The following ZNF436 variants were observed in gnomAD, a reference collection of about 807,000 sequenced individuals.
The protein encoded by ZNF436 is zinc finger protein 436, also known as DNA-binding protein.
Under a neutral mutation model 41.9 loss-of-function variants are expected in ZNF436, and 22 were observed. The observed-to-expected ratio is 0.53, with a 90% CI of 0.38 to 0.75. The LOEUF is 0.75. Ranked by LOEUF, ZNF436 falls within the 30% of genes least tolerant of loss-of-function variation. The pLI, the probability that ZNF436 is intolerant of heterozygous loss-of-function variation, is 0.00. For missense variants in ZNF436, 506 were observed against 587.3 expected, an observed-to-expected ratio of 0.86 and a Z score of 1.43; for synonymous variants, 217 against 197.8, an observed-to-expected ratio of 1.10 and a Z score of -0.82.
At position 23,361,915 on chromosome 1, in the gene ZNF436, T is replaced by G; in HGVS notation, c.*54A>C. 1 of 1,515,540 alleles carries G rather than the reference T, an allele frequency of 6.6e-7. No individual in the cohort carries two copies. Among genetic ancestry groups the G allele is most frequent in the African/African-American group, 1.4e-5 (1 of 71,964 alleles). 93.9% of individuals were successfully genotyped at this position (1,515,540 alleles called of 1,614,324 possible). A position where few individuals can be genotyped will look rare whatever the true frequency, so the allele number is the denominator to read the frequency against. ...TCAGTCTTGAGGGCGTTCATTGATATCAAATAAAATTGTATCTTCAAATGA... is the reference window on the plus strand; with the variant it reads ...TCAGTCTTGAGGGCGTTCATTGATAGCAAATAAAATTGTATCTTCAAATGA... On this transcript the variant is annotated 3_prime_UTR_variant, in exon 4 of 4. Transcript: ENST00000314011.
rs1286457429 is a variant in ZNF436 at position 23,367,952 on chromosome 1, G to C, written c.33+21C>G. The C allele has an allele frequency of 2.5e-6, 4 of 1,613,840 alleles. No homozygotes were observed. The African/African-American group carries it at 4.0e-5, about 16-fold the overall frequency. ...AGGTGGGTAAGCAGAGACAAGGTCTGAGAAGCCACCTCCGGCTTACCTGGG... is the reference window on the plus strand; with the variant it reads ...AGGTGGGTAAGCAGAGACAAGGTCTCAGAAGCCACCTCCGGCTTACCTGGG... On this transcript the variant is annotated intron_variant, in intron 2 of 3. Transcript: ENST00000314011.
At chr1:23,365,919 A>G (rs183302315) in intron 3 of ZNF436, among the ~76,000 whole-genome samples, 6,803 of 147,168 alleles carry the variant, frequency 0.046, 424 homozygotes, top group African/African-American at 0.16. Flanking sequence ...TCCTGTCTCA[A>G]AAAAAAAAAA....
In ZNF436 at chr1:23,359,869, G is replaced by A. The variant is rs1192879922; in HGVS notation, c.*2100C>T. ...CAGCAGCAGGAACTGGTTGGGGTGGGGCAAGAACAGTAGGGAAGGAAAAGG... is the reference window on the plus strand; with the variant it reads ...CAGCAGCAGGAACTGGTTGGGGTGGAGCAAGAACAGTAGGGAAGGAAAAGG... On this transcript the variant is annotated 3_prime_UTR_variant, in exon 4 of 4. Coordinates refer to ENST00000314011, the MANE Select transcript of ZNF436 (RefSeq NM_001077195.2). The A allele has an allele frequency of 6.5e-6, 1 of 152,750 alleles. No homozygotes were observed. The highest frequency in any genetic ancestry group is 1.5e-5 in the Non-Finnish European group (1 of 68,174). 9.5% of individuals were successfully genotyped at this position (152,750 alleles called of 1,614,324 possible). A position where few individuals can be genotyped will look rare whatever the true frequency, so the allele number is the denominator to read the frequency against.
chr1:23,363,819 C>A (rs1045055476), intron 3 of ZNF436, among the ~76,000 whole-genome samples: 2 of 152,132 alleles, frequency 1.3e-5, no homozygotes, highest in African/African-American at 4.8e-5. Flanking sequence ...TCAGGAGGAA[C>A]ACTTAAGGCC....
At chr1:23,368,470 T>C (rs556022679) in intron 1 of ZNF436, 2 of 162,442 alleles carry the variant, frequency 1.2e-5, no homozygotes, top group Non-Finnish European at 2.7e-5. Context: ...TCCCACAGCC[T>C]GGCCAAGAGC....
Position 23,362,337 on chromosome 1 carries a change from A to C in ZNF436, c.1045T>G (p.Leu349Val). Residue 349 changes from leucine (L) to valine (V), a missense_variant, in exon 4 of 4, where the codon TTG becomes GTG. Transcript: ENST00000314011. ...CGENFSRISH[L>V]VQHQRTHTGE... ...GTGTGAGTTCTCTGGTGCTGAACCAAGTGTGAGATGCGGCTGAAATTTTCC... is the reference window on the plus strand; with the variant it reads ...GTGTGAGTTCTCTGGTGCTGAACCACGTGTGAGATGCGGCTGAAATTTTCC... 6.2e-7 allele frequency: 1 copy of C among 1,606,748 alleles called. No individual in the cohort carries two copies. The highest frequency in any genetic ancestry group is 8.5e-7 in the Non-Finnish European group (1 of 1,177,718).
chr1:23,363,865 A>G (rs1638300648), intron 3 of ZNF436, among the ~76,000 whole-genome samples: 1 of 152,106 alleles, frequency 6.6e-6, no homozygotes, highest in African/African-American at 2.4e-5. Context: ...TATAGGGAGA[A>G]CCCATCTCTA....
chr1:23,368,278 G>T lies in ZNF436; in HGVS notation c.-60-213C>A, dbSNP rs1309202028. On this transcript the variant is annotated intron_variant, in intron 1 of 3. Coordinates refer to ENST00000314011, the MANE Select transcript of ZNF436 (RefSeq NM_001077195.2). ...ATCTACTAGGACAGCCCCCTGGCTG[G>T]GTCCCTCCCGCGCCGGGGGTTAGAC... is the stretch of plus-strand genomic sequence containing the variant. 6.5e-6 allele frequency: 3 copies of T among 459,854 alleles called. No homozygotes were observed. The South Asian group carries it at 8.3e-5, about 13-fold the overall frequency. 28.5% of individuals were successfully genotyped at this position (459,854 alleles called of 1,614,324 possible).
chr1:23,368,297 G>GT lies in ZNF436; in HGVS notation c.-60-233dup, dbSNP rs1015600155. 1.3e-4 allele frequency: 54 copies of GT among 422,040 alleles called. No individual in the cohort carries two copies. The Middle Eastern group carries it at 3.8e-3, about 30-fold the overall frequency. The allele number at this position is 422,040 out of a possible 1,614,324, so 26.1% of individuals were successfully genotyped here. On this transcript the variant is annotated intron_variant, in intron 1 of 3. Coordinates refer to ENST00000314011, the MANE Select transcript of ZNF436 (RefSeq NM_001077195.2). ...TGGCTGGGTCCCTCCCGCGCCGGGGGTTAGACCGCTGCTGTCTCAGGGAGG... is the reference window on the plus strand; with the variant it reads ...TGGCTGGGTCCCTCCCGCGCCGGGGGTTTAGACCGCTGCTGTCTCAGGGAGG...
At chr1:23,365,009 C>T (rs1638326677) in intron 3 of ZNF436, among the ~76,000 whole-genome samples, 1 of 152,162 alleles carries the variant, frequency 6.6e-6, no homozygotes, top group African/African-American at 2.4e-5. Context: ...CTAATCCCAG[C>T]ACTTTGGGAG....
chr1:23,362,358 T>A lies in ZNF436; in HGVS notation c.1024A>T (p.Asn342Tyr), dbSNP rs768710194. 3.4e-5 allele frequency: 55 copies of A among 1,613,820 alleles called. No homozygotes were observed. The East Asian group carries it at 1.2e-3, about 35-fold the overall frequency. Reference protein sequence around the residue: ...KPYHCNECGENFSRISHLVQH... With the variant: ...KPYHCNECGEYFSRISHLVQH... Reference sequence around the variant, plus strand: ...ACCAAGTGTGAGATGCGGCTGAAATTTTCCCCACATTCGTTACAGTGGTAT... The same window carrying A: ...ACCAAGTGTGAGATGCGGCTGAAATATTCCCCACATTCGTTACAGTGGTAT... Residue 342 changes from asparagine (N) to tyrosine (Y), a missense_variant, in exon 4 of 4, where the codon AAT (asparagine) becomes TAT (tyrosine). Transcript: ENST00000314011.
At chr1:23,363,863 G>A (rs993680515) in intron 3 of ZNF436, among the ~76,000 whole-genome samples, 2 of 152,078 alleles carry the variant, frequency 1.3e-5, no homozygotes, top group Non-Finnish European at 2.9e-5. Flanking sequence ...AATATAGGGA[G>A]AACCCATCTC....
chr1:23,369,745 A>G lies in ZNF436; in HGVS notation c.-440T>C. On this transcript the variant is annotated 5_prime_UTR_variant, in exon 1 of 4. Coordinates refer to ENST00000314011, the MANE Select transcript of ZNF436 (RefSeq NM_001077195.2). ...GCTCTCCCTTTCCCCAGCCAGGATG[A>G]GGGAATTAGACAATGGAAGTCGAGC... The G allele has an allele frequency of 2.6e-6, 1 of 385,988 alleles. No individual in the cohort carries two copies. Among genetic ancestry groups the G allele is most frequent in the East Asian group, 6.9e-5 (1 of 14,580 alleles). 23.9% of individuals were successfully genotyped at this position (385,988 alleles called of 1,614,324 possible). A position where few individuals can be genotyped will look rare whatever the true frequency, so the allele number is the denominator to read the frequency against.
chr1:23,364,581 T>C (rs992136143), intron 3 of ZNF436, among the ~76,000 whole-genome samples: 2 of 152,220 alleles, frequency 1.3e-5, no homozygotes, highest in African/African-American at 4.8e-5. Flanking sequence ...TCTTTACCTA[T>C]GTCATAGTTG....
chr1:23,360,803 T>C lies in ZNF436; in HGVS notation c.*1166A>G, dbSNP rs1646990381. The C allele has an allele frequency of 6.6e-6, 1 of 152,640 alleles. No individual in the cohort carries two copies. The highest frequency in any genetic ancestry group is 6.5e-5 in the Admixed American group (1 of 15,274). The allele number at this position is 152,640 out of a possible 1,614,324, so 9.5% of individuals were successfully genotyped here. The stretch of plus-strand genomic sequence containing the variant: ...AGAGTGCACACTAAAGCACTAGTGT[T>C]TAAATTATTTTCCATAATGAAAAAA... On this transcript the variant is annotated 3_prime_UTR_variant, in exon 4 of 4. Transcript: ENST00000314011.
In ZNF436 at chr1:23,362,867, C is replaced by G. The variant is rs752940026; in HGVS notation, c.515G>C (p.Gly172Ala). 6.2e-7 allele frequency: 1 copy of G among 1,614,220 alleles called. No individual in the cohort carries two copies. Among genetic ancestry groups the G allele is most frequent in the South Asian group, 1.1e-5 (1 of 91,086 alleles). ...GTGTGAGCTGCGACTGAAGCCTTTT[C>G]CACATTCATAACATTTATAGGGTCT... ...GDRPYKCYEC[G>A]KGFSRSSHLI... The change falls in exon 4 of 4, where the codon GGA (glycine) becomes GCA (alanine). Residue 172 changes from glycine (G) to alanine (A), a missense_variant. By Grantham distance (60) the Gly-to-Ala change is moderately conservative. Around this residue, in one of 2 missense-constraint regions of ZNF436, gnomAD observed 228 missense variants for 215.1 expected, o/e 1.06. Coordinates refer to ENST00000314011, the MANE Select transcript of ZNF436 (RefSeq NM_001077195.2).
rs1570192623 is a variant in ZNF436 at position 23,368,064 on chromosome 1, C to T, written c.-59G>A. 1.1e-5 allele frequency: 17 copies of T among 1,600,964 alleles called. No individual in the cohort carries two copies. The East Asian group carries it at 3.8e-4, about 36-fold the overall frequency. ...AGCAGGAAAAGCAGCTAGCAGACAG[C>T]GCTGAAGGAGGCGAAAAGCAGGGCG... On this transcript the variant is annotated splice_region_variant and 5_prime_UTR_variant, in exon 2 of 4. Coordinates refer to ENST00000314011, the MANE Select transcript of ZNF436 (RefSeq NM_001077195.2).
chr1:23,367,853 A>G (rs1469206850), intron 2 of ZNF436, 120 bp downstream of exon 2: 6 of 1,144,542 alleles, frequency 5.2e-6, no homozygotes, highest in Non-Finnish European at 7.8e-6. Context: ...CTGGAGGCAG[A>G]ATATCGAAGC....
Position 23,367,267 on chromosome 1 carries a change from G to C in ZNF436, c.34-99C>G, listed in dbSNP as rs569831708. The C allele has an allele frequency of 2.5e-5, 33 of 1,304,002 alleles. No individual in the cohort carries two copies. In the South Asian group the frequency reaches 5.3e-4, roughly 21 times the overall value. The allele number at this position is 1,304,002 out of a possible 1,614,324, so 80.8% of individuals were successfully genotyped here. On this transcript the variant is annotated intron_variant, in intron 2 of 3. Transcript: ENST00000314011. ...TCAGGAGGAAAAATATATTAAATGT[G>C]ACCTATAGAGTCCAAATAAGAAATA...
Sources: allele counts gnomAD v4.1 joint callset (sites outside exome capture counted in the v4.1 genomes callset), GRCh38; gene constraint gnomAD v4.1.1; regional missense constraint gnomAD v4.1.1; transcripts MANE v1.5; gene names NCBI Gene and HGNC (gene_info 2026-07-23, HGNC 2026-07-21).